Variants in ARMC8 observed in about 807,000 individuals in gnomAD.
ARMC8 encodes armadillo repeat-containing protein 8.
In ARMC8, 20 loss-of-function variants were observed where a neutral mutation model predicts 99.3. That is an observed-to-expected ratio of 0.20 (90% confidence interval 0.14 to 0.29). ARMC8 has a LOEUF of 0.29. Among genes scored for constraint, ARMC8 ranks in the 10% least tolerant of loss-of-function variants. The pLI is 1.00. For synonymous variants in ARMC8, 263 were observed against 278.3 expected (o/e 0.95, Z 0.55); for missense variants, 569 against 809.5 (o/e 0.70, Z 3.60).
intron 19 of ARMC8, among the ~76,000 whole-genome samples, chr3:138,286,204 A>G (rs534508694): frequency 1.3e-5 from 2 of 152,286 alleles, no homozygotes; most frequent in South Asian, 2.1e-4. Context: ...CGGCCTCCCA[A>G]AGTGCTGGGA....
At chr3:138,278,110 A>G (rs1178504145) in intron 18 of ARMC8, among the ~76,000 whole-genome samples, 1 of 152,252 alleles carries the variant, frequency 6.6e-6, no homozygotes, top group Non-Finnish European at 1.5e-5. Flanking sequence ...GGTTGGGGGC[A>G]GGATTTGACT....
intron 2 of ARMC8, among the ~76,000 whole-genome samples, chr3:138,214,960 T>C (rs1559934920): frequency 6.6e-6 from 1 of 152,158 alleles, no homozygotes; most frequent in Non-Finnish European, 1.5e-5. Flanking sequence ...TCAGTTATTT[T>C]TGAGGGTTAT....
rs1349423723 is a variant in ARMC8, at chr3:138,297,016, C to T, written c.*1124C>T. 6.6e-6 allele frequency: 1 copy of T among 152,196 alleles called. No individual in the cohort carries two copies. The allele number at this position is 152,196 out of a possible 1,614,324, so 9.4% of individuals were successfully genotyped here. A position where few individuals can be genotyped will look rare whatever the true frequency, so the allele number is the denominator to read the frequency against. ...GTGAAACTAAAGAATATTCTACAGA[C>T]ACCCCTGTAGAAAGAAACAAAGAAC... On this transcript the variant is annotated 3_prime_UTR_variant, in exon 22 of 22. Transcript: ENST00000469044.
At chr3:138,201,634 G>A (rs1042518041) in intron 1 of ARMC8, among the ~76,000 whole-genome samples, 4 of 151,174 alleles carry the variant, frequency 2.6e-5, no homozygotes, top group Non-Finnish European at 5.9e-5. Context: ...GCTAATTTTT[G>A]TATTTTAGTA....
At chr3:138,256,904 C>T (rs1306817706) in intron 12 of ARMC8, among the ~76,000 whole-genome samples, 2 of 152,122 alleles carry the variant, frequency 1.3e-5, no homozygotes, top group Non-Finnish European at 2.9e-5. Flanking sequence ...AAAATCTCAT[C>T]CTTAAAACAT....
chr3:138,276,587 G>A (rs528229908), intron 18 of ARMC8, among the ~76,000 whole-genome samples: 7 of 152,286 alleles, frequency 4.6e-5, no homozygotes, highest in Admixed American at 4.6e-4. Flanking sequence ...AGTTAAGCAA[G>A]GTCACAAGAT....
chr3:138,268,017 C>T (rs1462566437), intron 15 of ARMC8, among the ~76,000 whole-genome samples: 1 of 151,984 alleles, frequency 6.6e-6, no homozygotes, highest in East Asian at 1.9e-4. Context: ...CCAAGGCAGG[C>T]AGAACACTTG....
chr3:138,248,961 C>T (rs2047003283), intron 12 of ARMC8, among the ~76,000 whole-genome samples: 1 of 152,148 alleles, frequency 6.6e-6, no homozygotes, highest in Admixed American at 6.5e-5. Flanking sequence ...AATTTGAATA[C>T]GTATATTTTA....
intron 12 of ARMC8, among the ~76,000 whole-genome samples, chr3:138,249,417 T>G (rs1411116205): frequency 6.6e-6 from 1 of 151,810 alleles, no homozygotes; most frequent in Non-Finnish European, 1.5e-5. Context: ...AAAACATGTT[T>G]TATGGTATTG....
intron 2 of ARMC8, among the ~76,000 whole-genome samples, chr3:138,218,355 C>T (rs2045200121): frequency 6.6e-6 from 1 of 152,162 alleles, no homozygotes. Flanking sequence ...ATGATTGCTC[C>T]TTAATCCATC....
At chr3:138,288,936 C>A (rs1328393051) in intron 19 of ARMC8, 112 bp from the exon 20 acceptor site, 2 of 814,338 alleles carry the variant, frequency 2.5e-6, no homozygotes, top group Admixed American at 4.8e-5. Context: ...CTCACCTGGC[C>A]CTGCTTCAGA....
At chr3:138,280,212 C>CT (rs1040240378) in intron 18 of ARMC8, among the ~76,000 whole-genome samples, 2 of 151,696 alleles carry the variant, frequency 1.3e-5, no homozygotes, top group African/African-American at 4.8e-5. Flanking sequence ...CTGGTAATTC[C>CT]TTTTTTCCTG....
chr3:138,195,064 C>T (rs1439809762), intron 1 of ARMC8, among the ~76,000 whole-genome samples: 1 of 151,982 alleles, frequency 6.6e-6, no homozygotes, highest in Non-Finnish European at 1.5e-5. Flanking sequence ...CACCTGAGAT[C>T]AGGAGTTCGA....
At chr3:138,188,403 T>C in intron 1 of ARMC8, 1 of 1,512,384 alleles carries the variant, frequency 6.6e-7, no homozygotes, top group Non-Finnish European at 8.9e-7. Context: ...AAAAAAAGTT[T>C]TTTTAAAGAA....
At chr3:138,207,691 C>T (rs1353808247) in intron 1 of ARMC8, among the ~76,000 whole-genome samples, 1 of 152,026 alleles carries the variant, frequency 6.6e-6, no homozygotes, top group Non-Finnish European at 1.5e-5. Flanking sequence ...TTTTGGTTGT[C>T]ATATATTGTT....
chr3:138,264,299 G>A, intron 14 of ARMC8, 87 bp downstream of exon 14: 1 of 969,376 alleles, frequency 1.0e-6, no homozygotes, highest in Middle Eastern at 2.3e-4. Context: ...TGGTCTAGGA[G>A]TATGTCTGAT....
At position 138,239,534 on chromosome 3, in the gene ARMC8, CTAAT is replaced by C; in HGVS notation, c.837+13_837+16del. 6 of 1,560,308 alleles carry C rather than the reference CTAAT, an allele frequency of 3.8e-6. No individual in the cohort carries two copies. Among genetic ancestry groups the C allele is most frequent in the South Asian group, 1.2e-5 (1 of 83,234 alleles). On this transcript the variant is annotated splice_region_variant and intron_variant, in intron 10 of 21. Coordinates refer to ENST00000469044, the MANE Select transcript of ARMC8 (RefSeq NM_001363941.2). Reference sequence around the variant, plus strand: ...ATAACTGTATTGTATTAAAGGTAAGCTAATTAATTATCTTTAAAATGTGAAAATT... The same window carrying C: ...ATAACTGTATTGTATTAAAGGTAAGCTAATTATCTTTAAAATGTGAAAATT...
intron 1 of ARMC8, among the ~76,000 whole-genome samples, chr3:138,194,711 T>C (rs529147497): frequency 1.1e-3 from 168 of 152,168 alleles, no homozygotes; most frequent in African/African-American, 3.9e-3. Flanking sequence ...TATTCCTTCA[T>C]TTTGTTCTGT....
At chr3:138,244,245 T>G (rs1419012486) in intron 11 of ARMC8, among the ~76,000 whole-genome samples, 1 of 152,094 alleles carries the variant, frequency 6.6e-6, no homozygotes, top group Non-Finnish European at 1.5e-5. Context: ...ATGGGTTCTC[T>G]GTTTCTAAAA....
Sources: allele counts gnomAD v4.1 joint callset (sites outside exome capture counted in the v4.1 genomes callset), GRCh38; gene constraint gnomAD v4.1.1; transcripts MANE v1.5; gene names NCBI Gene and HGNC (gene_info 2026-07-23, HGNC 2026-07-21).